The following CRYBA4 variants were observed in gnomAD, a reference collection of about 807,000 sequenced individuals.
CRYBA4 encodes the protein crystallin beta A4, also known as beta-crystallin A4.
CRYBA4 carries 30 observed loss-of-function variants against 31.7 expected under a neutral mutation model. The observed-to-expected ratio is 0.95, with a 90% confidence interval of 0.71 to 1.28. The LOEUF is 1.28. Among genes scored for constraint, CRYBA4 ranks in the 50% most tolerant of loss-of-function variants. CRYBA4 has a pLI of 0.00. For synonymous variants in CRYBA4, 102 were observed against 102.3 expected (o/e 1.00, Z 0.02); for missense variants, 225 against 260.7 (o/e 0.86, Z 0.94).
At chr22:26,611,678 G>T in the CRYBA4 span, among the ~76,000 whole-genome samples, 1 of 151,966 alleles carries the variant, frequency 6.6e-6, no homozygotes, top group Non-Finnish European at 1.5e-5. Flanking sequence ...GTTTCACCTT[G>T]TTAGCCAGGA....
the CRYBA4 span, among the ~76,000 whole-genome samples, chr22:26,592,860 C>A: frequency 9.9e-5 from 15 of 152,158 alleles, no homozygotes; most frequent in East Asian, 2.5e-3. Flanking sequence ...TGTTTTGGTT[C>A]CGGAGAGGTT....
the CRYBA4 span, among the ~76,000 whole-genome samples, chr22:26,605,601 G>T: frequency 1.4e-5 from 2 of 144,930 alleles, no homozygotes; most frequent in African/African-American, 2.5e-5. Context: ...TTGCCCCAGG[G>T]AGGTGAAGGT....
At chr22:26,629,423 A>C (rs1203511367) in intron 5 of CRYBA4, among the ~76,000 whole-genome samples, 1 of 152,016 alleles carries the variant, frequency 6.6e-6, no homozygotes, top group Non-Finnish European at 1.5e-5. Context: ...ACCAGACACC[A>C]ATCCTTGTCC....
the CRYBA4 span, among the ~76,000 whole-genome samples, chr22:26,595,510 C>T: frequency 2.0e-5 from 3 of 147,334 alleles, no homozygotes; most frequent in South Asian, 4.3e-4. Flanking sequence ...ACCTGGGAGG[C>T]GGAGGTTGCA....
At chr22:26,621,875 G>A, upstream of CRYBA4, 1 of 621,612 alleles carries the variant, frequency 1.6e-6, no homozygotes, top group Non-Finnish European at 2.0e-6. Context: ...TGTTTCTGTG[G>A]CCCAGTTGCT....
the CRYBA4 span, among the ~76,000 whole-genome samples, chr22:26,600,137 C>T: frequency 6.6e-6 from 1 of 152,112 alleles, no homozygotes; most frequent in Admixed American, 6.6e-5. Context: ...CGCGGTGGCT[C>T]AAGCCTGTAA....
In CRYBA4 at chr22:26,628,310, C is replaced by A; in HGVS notation, c.323C>A (p.Thr108Lys). The change falls in exon 5 of 6, where the codon ACA (threonine) becomes AAA (lysine). Residue 108 changes from threonine (T) to lysine (K), a missense_variant. Physicochemically the swap from Thr to Lys is moderately conservative, Grantham distance 78. Coordinates refer to ENST00000354760, the MANE Select transcript of CRYBA4 (RefSeq NM_001886.3). ...ACANHRDSRL[T>K]IFEQENFLGK... ...TAGAACCACCGTGACTCGAGGCTGA[C>A]AATCTTCGAGCAAGAGAACTTCCTG... 1.2e-6 allele frequency: 2 copies of A among 1,613,946 alleles called. No individual in the cohort carries two copies. The highest frequency in any genetic ancestry group is 1.7e-6 in the Non-Finnish European group (2 of 1,179,996).
At chr22:26,610,896 C>T in the CRYBA4 span, among the ~76,000 whole-genome samples, 14 of 152,140 alleles carry the variant, frequency 9.2e-5, no homozygotes, top group Non-Finnish European at 1.8e-4. Context: ...AAGCTCATCT[C>T]GGAATGGGCT....
chr22:26,596,037 A>G, the CRYBA4 span, among the ~76,000 whole-genome samples: 1 of 152,172 alleles, frequency 6.6e-6, no homozygotes, highest in Non-Finnish European at 1.5e-5. Flanking sequence ...CTTCCAAAAT[A>G]CTGGGATTAT....
upstream of CRYBA4, among the ~76,000 whole-genome samples, chr22:26,620,229 A>G (rs1315840345): frequency 6.6e-6 from 1 of 152,176 alleles, no homozygotes; most frequent in Non-Finnish European, 1.5e-5. Context: ...TCAACAATTA[A>G]TAATAATCAT....
At chr22:26,621,436 C>T (rs1388009352), upstream of CRYBA4, among the ~76,000 whole-genome samples, 1 of 152,198 alleles carries the variant, frequency 6.6e-6, no homozygotes, top group Non-Finnish European at 1.5e-5. Context: ...TCTTCCTCAT[C>T]CTTCAGAGTC....
the CRYBA4 span, among the ~76,000 whole-genome samples, chr22:26,607,043 G>A: frequency 2.0e-5 from 2 of 101,684 alleles, no homozygotes; most frequent in Non-Finnish European, 3.8e-5. Context: ...TTTTTTTTGA[G>A]ATGGAGTCTG....
At position 26,623,410 on chromosome 22, in the gene CRYBA4, C is replaced by T. The variant is rs78839637; in HGVS notation, c.158+58C>T. On this transcript the variant is annotated intron_variant, in intron 3 of 5. Coordinates refer to ENST00000354760, the MANE Select transcript of CRYBA4 (RefSeq NM_001886.3). The stretch of plus-strand genomic sequence containing the variant: ...GGGTGGACAGGAAGGGACCTAGAGA[C>T]GGGTGCTAGGACTTTTAGATATTCT... The T allele has an allele frequency of 0.035, 48,628 of 1,372,606 alleles. 1,273 individuals are homozygous for T. Among genetic ancestry groups the T allele is most frequent in the East Asian group, 0.081 (3,533 of 43,746 alleles). 85.0% of individuals were successfully genotyped at this position (1,372,606 alleles called of 1,614,324 possible). A position where few individuals can be genotyped will look rare whatever the true frequency, so the allele number is the denominator to read the frequency against.
chr22:26,594,115 T>C, the CRYBA4 span, among the ~76,000 whole-genome samples: 11 of 152,336 alleles, frequency 7.2e-5, no homozygotes, highest in East Asian at 1.2e-3. Context: ...GCAGGTTTTC[T>C]TCTCCTGCTG....
chr22:26,625,059 C>G (rs922938027), intron 3 of CRYBA4, among the ~76,000 whole-genome samples: 18 of 152,210 alleles, frequency 1.2e-4, no homozygotes, highest in African/African-American at 4.3e-4. Context: ...AAGGTGAGAT[C>G]AGTCTGTGAT....
chr22:26,629,097 G>C (rs1350011959), intron 5 of CRYBA4, among the ~76,000 whole-genome samples: 5 of 152,176 alleles, frequency 3.3e-5, no homozygotes, highest in Non-Finnish European at 7.3e-5. Context: ...CCATCAGCAG[G>C]TAGGTAACAA....
rs74847916 is a variant in CRYBA4, at chr22:26,623,190, G to A, written c.40-44G>A. 55,790 of 1,527,618 alleles carry A rather than the reference G, an allele frequency of 0.037. 1,424 individuals carry two copies. Among genetic ancestry groups the A allele is most frequent in the East Asian group, 0.081 (3,600 of 44,442 alleles). 94.6% of individuals were successfully genotyped at this position (1,527,618 alleles called of 1,614,324 possible). A position where few individuals can be genotyped will look rare whatever the true frequency, so the allele number is the denominator to read the frequency against. ...GAGCCCCCAACCTCTCACCCTTCAC[G>A]GGACTCTGATGCGGATCTCCACCTT... On this transcript the variant is annotated intron_variant, in intron 2 of 5. Transcript: ENST00000354760.
chr22:26,596,754 G>C, the CRYBA4 span: 1 of 152,176 alleles, frequency 6.6e-6, no homozygotes, highest in South Asian at 2.1e-4. Context: ...ACTTAGAATG[G>C]GGATCCATGT....
chr22:26,597,828 A>C, the CRYBA4 span, among the ~76,000 whole-genome samples: 2 of 152,222 alleles, frequency 1.3e-5, no homozygotes, highest in Non-Finnish European at 2.9e-5. Context: ...TCAAGGAGGA[A>C]AAAAGTCTCA....
Sources: gnomAD v4.1 joint callset for allele counts (sites outside exome capture counted in the v4.1 genomes callset) on GRCh38, gnomAD v4.1.1 for gene constraint, MANE v1.5 for transcripts, NCBI Gene and HGNC (gene_info 2026-07-23, HGNC 2026-07-21) for gene names.